Variants in DLG3 observed in about 807,000 individuals in gnomAD.
DLG3 encodes the protein discs large MAGUK scaffold protein 3.
A neutral mutation model predicts 64.1 loss-of-function variants in DLG3; 1 was observed. The ratio of observed to expected loss-of-function variants is 0.02; its 90% CI spans 0.01 to 0.07. DLG3 has a LOEUF of 0.07. Among genes scored for constraint, DLG3 ranks in the 10% least tolerant of loss-of-function variants. DLG3 has a pLI of 1.00. For missense variants in DLG3, 429 were observed against 669.5 expected (o/e 0.64, Z 3.96); for synonymous variants, 245 against 259.8 (o/e 0.94, Z 0.55).
intron 9 of DLG3, among the ~76,000 whole-genome samples, chrX:70,458,082 C>T (rs1389549959): frequency 9.0e-6 from 1 of 110,754 alleles, no homozygotes; most frequent in Non-Finnish European, 1.9e-5. Flanking sequence ...CACCATGTTG[C>T]CCAGGCTGGT....
chrX:70,449,560 A>G (rs2086597456), intron 3 of DLG3, 77 bp downstream of exon 3: 1 of 798,755 alleles, frequency 1.3e-6, no homozygotes, highest in African/African-American at 2.3e-5. Flanking sequence ...GCCTGGCAGG[A>G]TGACCCTTCC....
At chrX:70,477,569 AG>A (rs1225808734) in intron 9 of DLG3, among the ~76,000 whole-genome samples, 1 of 111,216 alleles carries the variant, frequency 9.0e-6, no homozygotes, top group Admixed American at 9.6e-5. Context: ...CCCTCAGAAC[AG>A]GAACATTGTC....
At position 70,445,198 on chromosome X, in the gene DLG3, T is replaced by A. The variant is rs771984786; in HGVS notation, c.-4T>A. On this transcript the variant is annotated 5_prime_UTR_variant, in exon 1 of 19. Transcript: ENST00000374360. ...GGGGGGTCCGAGCCGCGGGGGGCAGTGCCATGCACAAGCACCAGCACTGCT... is the reference window on the plus strand; with the variant it reads ...GGGGGGTCCGAGCCGCGGGGGGCAGAGCCATGCACAAGCACCAGCACTGCT... The A allele has an allele frequency of 1.3e-5, 15 of 1,151,846 alleles. No individual in the cohort carries two copies. The highest frequency in any genetic ancestry group is 1.6e-5 in the Non-Finnish European group (14 of 866,108). 94.9% of individuals were successfully genotyped at this position (1,151,846 alleles called of 1,213,427 possible). A position where few individuals can be genotyped will look rare whatever the true frequency, so the allele number is the denominator to read the frequency against.
intron 4 of DLG3, 114 bp downstream of exon 4, chrX:70,449,973 C>A: frequency 9.8e-7 from 1 of 1,019,756 alleles, no homozygotes; most frequent in Non-Finnish European, 1.3e-6. Flanking sequence ...TCCCCCTGTT[C>A]CAACTCACAG....
At chrX:70,492,316 C>A in intron 11 of DLG3, 33 bp downstream of exon 11, 1 of 1,202,951 alleles carries the variant, frequency 8.3e-7, no homozygotes, top group Non-Finnish European at 1.1e-6. Flanking sequence ...AAGGCCTTTC[C>A]TGCCCTCTTG....
intron 9 of DLG3, among the ~76,000 whole-genome samples, chrX:70,478,945 C>G (rs1045392949): frequency 1.8e-5 from 2 of 111,652 alleles, no homozygotes; most frequent in African/African-American, 6.5e-5. Flanking sequence ...TGCATTCTTT[C>G]CTTCTGTTAG....
Position 70,445,348 on chromosome X carries a change from G to A in DLG3, c.147G>A (p.Ala49=). Residue 49 remains alanine, a synonymous_variant, in exon 1 of 19, where the codon GCG becomes GCA. Transcript: ENST00000374360. The stretch of plus-strand genomic sequence containing the variant: ...CAGGTGGGGGCAACGGCGCCAGCGC[G>A]GGTTATGGGGGCTACAGCTCGCAGA... The part of the protein sequence containing the change: ...YGPGGGNGAS[A]GYGGYSSQTL... 8.5e-7 allele frequency: 1 copy of A among 1,171,461 alleles called. No homozygotes were observed. Among genetic ancestry groups the A allele is most frequent in the Non-Finnish European group, 1.1e-6 (1 of 876,523 alleles).
intron 9 of DLG3, among the ~76,000 whole-genome samples, chrX:70,464,820 G>T (rs1352762276): frequency 2.7e-5 from 3 of 111,035 alleles, no homozygotes; most frequent in African/African-American, 9.8e-5. Flanking sequence ...GCCAGGCGTG[G>T]TGGTACACCC....
In DLG3 at chrX:70,449,786, G is replaced by A. The variant is rs953081519; in HGVS notation, c.630G>A (p.Val210=). Residue 210 remains valine, a synonymous_variant, in exon 4 of 19, where the codon GTG becomes GTA. Coordinates refer to ENST00000374360, the MANE Select transcript of DLG3 (RefSeq NM_021120.4). ...CGCTGAAGGAGGCAGGCCCTGTGGT[G>A]CGATTGGTGGTGCGGAGGCGACAGC... The part of the protein sequence containing the change: ...VEALKEAGPV[V]RLVVRRRQPP... 1 of 1,207,101 alleles carries A rather than the reference G, an allele frequency of 8.3e-7. No homozygotes were observed.
intron 1 of DLG3, among the ~76,000 whole-genome samples, chrX:70,446,424 G>C (rs780465365): frequency 9.1e-6 from 1 of 109,746 alleles, no homozygotes; most frequent in East Asian, 2.9e-4. Context: ...TGCCGGGGTG[G>C]GGTGGCGGGG....
intron 9 of DLG3, among the ~76,000 whole-genome samples, chrX:70,461,575 T>C (rs5980703): frequency 0.081 from 5,979 of 74,139 alleles, 406 homozygotes; most frequent in African/African-American, 0.23. Flanking sequence ...GGGCCCCCCC[T>C]TTTTTTTTTT....
intron 10 of DLG3, 85 bp downstream of exon 10, chrX:70,479,349 C>G: frequency 1.4e-6 from 1 of 713,335 alleles, no homozygotes; most frequent in Non-Finnish European, 2.3e-6. Context: ...AACTAGTGGG[C>G]TAGGGAGTAT....
chrX:70,498,097 G>C (rs1324624007), intron 13 of DLG3, among the ~76,000 whole-genome samples: 1 of 111,843 alleles, frequency 8.9e-6, no homozygotes, highest in Non-Finnish European at 1.9e-5. Flanking sequence ...AGGCTGCTTG[G>C]GGACCTGGGT....
intron 12 of DLG3, among the ~76,000 whole-genome samples, chrX:70,494,447 G>T (rs1033564671): frequency 4.5e-5 from 5 of 112,193 alleles, no homozygotes; most frequent in African/African-American, 1.6e-4. Flanking sequence ...TGTCAGGCCA[G>T]CTTGGTCCAC....
intron 12 of DLG3, 57 bp from the exon 13 acceptor site, chrX:70,495,351 C>G: frequency 1.8e-6 from 2 of 1,105,455 alleles, no homozygotes; most frequent in Non-Finnish European, 2.5e-6. Flanking sequence ...CATCCCTTCC[C>G]CTTCCCCCCT....
At chrX:70,450,539 G>C in intron 5 of DLG3, 100 bp from the exon 6 acceptor site, 1 of 1,078,918 alleles carries the variant, frequency 9.3e-7, no homozygotes, top group South Asian at 2.0e-5. Flanking sequence ...TTGGGCCTTT[G>C]TTAGCATGCT....
chrX:70,454,691 C>T (rs1316778805), intron 9 of DLG3, among the ~76,000 whole-genome samples: 3 of 112,007 alleles, frequency 2.7e-5, no homozygotes, highest in Admixed American at 9.4e-5. Context: ...AGAAGGACCT[C>T]AGGTAGAAGA....
chrX:70,474,005 A>G (rs948329659), intron 9 of DLG3, among the ~76,000 whole-genome samples: 1 of 112,190 alleles, frequency 8.9e-6, no homozygotes, highest in African/African-American at 3.2e-5. Context: ...GAAATGTTTC[A>G]GGAGCAGGGA....
chrX:70,472,644 C>T (rs941467700), intron 9 of DLG3, among the ~76,000 whole-genome samples: 1 of 111,852 alleles, frequency 8.9e-6, no homozygotes, highest in Non-Finnish European at 1.9e-5. Flanking sequence ...GGTTTGGATG[C>T]TGTAAGAGCA....
Sources: allele counts gnomAD v4.1 joint callset (sites outside exome capture counted in the v4.1 genomes callset), GRCh38; gene constraint gnomAD v4.1.1; transcripts MANE v1.5; gene names NCBI Gene and HGNC (gene_info 2026-07-23, HGNC 2026-07-21).